Variants in LDLRAD3 observed in about 807,000 individuals in gnomAD.
LDLRAD3 encodes the protein low-density lipoprotein receptor class A domain-containing protein 3.
In LDLRAD3, 20 loss-of-function variants were observed where a neutral mutation model predicts 29.4. That is an observed-to-expected ratio of 0.68 (90% CI 0.48 to 0.99). LDLRAD3 has a LOEUF of 0.99. LDLRAD3 is among the 50% of genes least tolerant of loss of function. The pLI is 0.00. For synonymous variants in LDLRAD3, 157 were observed against 192.7 expected (o/e 0.81, Z 1.53); for missense variants, 420 against 454.3 (o/e 0.92, Z 0.69).
At chr11:36,131,464 T>G (rs1057045176) in intron 4 of LDLRAD3, among the ~76,000 whole-genome samples, 2 of 152,230 alleles carry the variant, frequency 1.3e-5, no homozygotes, top group African/African-American at 4.8e-5. Flanking sequence ...ACTACTTTTT[T>G]GTTGCTTTGG....
chr11:36,226,904 G>A (rs965581048), intron 4 of LDLRAD3, among the ~76,000 whole-genome samples, 181 bp from the exon 5 acceptor site: 1 of 152,170 alleles, frequency 6.6e-6, no homozygotes, highest in Admixed American at 6.5e-5. Context: ...TTGGGTGGAT[G>A]TACCACGTTT....
intron 1 of LDLRAD3, among the ~76,000 whole-genome samples, chr11:35,962,279 AG>A (rs1469335321): frequency 2.0e-5 from 3 of 152,116 alleles, no homozygotes; most frequent in Non-Finnish European, 4.4e-5. Context: ...TTCATGACCT[AG>A]GACATAGTGC....
intron 1 of LDLRAD3, among the ~76,000 whole-genome samples, chr11:35,978,871 A>G (rs1416852037): frequency 1.3e-5 from 2 of 152,184 alleles, no homozygotes; most frequent in Non-Finnish European, 2.9e-5. Flanking sequence ...TCTGAGGGGC[A>G]CAGCTATTAC....
intron 2 of LDLRAD3, among the ~76,000 whole-genome samples, chr11:36,041,696 A>T (rs957045241): frequency 6.6e-6 from 1 of 152,104 alleles, no homozygotes; most frequent in Non-Finnish European, 1.5e-5. Context: ...ATCTTTTTCC[A>T]GTTCTGTGTT....
At chr11:35,962,767 T>TC (rs1400909685) in intron 1 of LDLRAD3, among the ~76,000 whole-genome samples, 1 of 152,206 alleles carries the variant, frequency 6.6e-6, no homozygotes, top group Non-Finnish European at 1.5e-5. Context: ...TCTGTAGACT[T>TC]GAGCTATTTG....
intron 2 of LDLRAD3, among the ~76,000 whole-genome samples, chr11:36,076,222 G>GTCCATCCATCCATCCATCCA (rs56767260): frequency 2.1e-5 from 3 of 145,514 alleles, no homozygotes; most frequent in Non-Finnish European, 3.1e-5. Context: ...CTGTCCATCC[G>GTCCATCCATCCATCCATCCA]TCCATCCATC....
chr11:36,162,365 G>A (rs555642089), intron 4 of LDLRAD3, among the ~76,000 whole-genome samples: 34 of 152,332 alleles, frequency 2.2e-4, no homozygotes, highest in African/African-American at 7.7e-4. Flanking sequence ...TCTAAAGATC[G>A]CATTATTAAG....
chr11:36,067,107 C>A (rs1166423828), intron 2 of LDLRAD3, among the ~76,000 whole-genome samples: 1 of 152,128 alleles, frequency 6.6e-6, no homozygotes, highest in Admixed American at 6.5e-5. Context: ...CTAACACACT[C>A]CTAATAATCT....
intron 1 of LDLRAD3, chr11:35,968,397 G>A: frequency 5.5e-6 from 2 of 360,916 alleles, no homozygotes. Flanking sequence ...CCATGTGGCT[G>A]CTTGTTCCTG....
chr11:36,111,793 T>A (rs1430367426), intron 4 of LDLRAD3, among the ~76,000 whole-genome samples: 1 of 152,168 alleles, frequency 6.6e-6, no homozygotes. Flanking sequence ...AGAGATGGGG[T>A]TTCGCCATCT....
At chr11:36,193,206 G>A (rs986886788) in intron 4 of LDLRAD3, among the ~76,000 whole-genome samples, 10 of 152,174 alleles carry the variant, frequency 6.6e-5, no homozygotes, top group Non-Finnish European at 1.3e-4. Flanking sequence ...GTGAGCCAAT[G>A]TATACAAATT....
At chr11:36,073,035 G>A (rs1004097238) in intron 2 of LDLRAD3, among the ~76,000 whole-genome samples, 2 of 152,200 alleles carry the variant, frequency 1.3e-5, no homozygotes, top group Non-Finnish European at 2.9e-5. Context: ...CCTGTATTTC[G>A]GATGCTAAGG....
chr11:36,222,019 TGTTTC>T, intron 4 of LDLRAD3, among the ~76,000 whole-genome samples: 1 of 152,210 alleles, frequency 6.6e-6, no homozygotes, highest in Non-Finnish European at 1.5e-5. Flanking sequence ...ACATTTGGAT[TGTTTC>T]TGATATATCT....
intron 2 of LDLRAD3, among the ~76,000 whole-genome samples, chr11:36,039,081 C>T (rs896787688): frequency 5.9e-5 from 9 of 151,326 alleles, no homozygotes; most frequent in Admixed American, 2.6e-4. Context: ...GCCATTCTCT[C>T]GCCTCAGTCT....
intron 4 of LDLRAD3, among the ~76,000 whole-genome samples, chr11:36,158,189 G>A (rs1382492331): frequency 6.6e-6 from 1 of 152,142 alleles, no homozygotes; most frequent in African/African-American, 2.4e-5. Flanking sequence ...TATGAAGATA[G>A]CCTCAGCACA....
At chr11:36,121,707 T>A (rs1026601952) in intron 4 of LDLRAD3, among the ~76,000 whole-genome samples, 1 of 152,254 alleles carries the variant, frequency 6.6e-6, no homozygotes, top group Admixed American at 6.5e-5. Flanking sequence ...CTATCTGTTA[T>A]GATTTATGCT....
chr11:35,966,477 A>G (rs911201693), intron 1 of LDLRAD3, among the ~76,000 whole-genome samples: 11 of 152,212 alleles, frequency 7.2e-5, no homozygotes, highest in African/African-American at 2.4e-4. Context: ...ATGTGTACAT[A>G]AAAAGGATTT....
rs546127109 is a variant in LDLRAD3, at chr11:36,005,871, G to A, written c.47-30232G>A. Among the ~76,000 whole-genome samples, 9 of 152,246 alleles carry A rather than the reference G, an allele frequency of 5.9e-5. No homozygotes were observed. The South Asian group carries it at 1.2e-3, about 21-fold the overall frequency. ...CACATGGTGGCAGGAGAGAGAGAGC[G>A]CGAAGGGGGAAGTGCCACACATGTT... On this transcript the variant is annotated intron_variant, in intron 1 of 5. Coordinates refer to ENST00000315571, the MANE Select transcript of LDLRAD3 (RefSeq NM_174902.4).
chr11:35,990,114 A>C (rs1370753366), intron 1 of LDLRAD3, among the ~76,000 whole-genome samples: 1 of 152,112 alleles, frequency 6.6e-6, no homozygotes. Context: ...TCCATCACCT[A>C]TAAAGGCATG....
Sources: allele counts gnomAD v4.1 joint callset (sites outside exome capture counted in the v4.1 genomes callset), GRCh38; gene constraint gnomAD v4.1.1; transcripts MANE v1.5; gene names NCBI Gene and HGNC (gene_info 2026-07-23, HGNC 2026-07-21).